The following IRAK3 variants were observed in gnomAD, a reference collection of about 807,000 sequenced individuals.
IRAK3 encodes interleukin-1 receptor-associated kinase 3.
In IRAK3, 57 loss-of-function variants were observed where a neutral mutation model predicts 56.6. The observed-to-expected ratio is 1.01, with a 90% CI of 0.81 to 1.26. The LOEUF (loss-of-function observed/expected upper bound fraction) is 1.26, where lower values mean the gene tolerates loss of function less well. Among genes scored for constraint, IRAK3 ranks in the 50% most tolerant of loss-of-function variants. The probability of loss-of-function intolerance (pLI) is 0.00; values close to 1 mark genes in which losing one functional copy is unlikely to be tolerated. For missense variants in IRAK3, 703 were observed against 719.0 expected (o/e 0.98, Z 0.25); for synonymous variants, 258 against 255.7 (o/e 1.01, Z -0.09).
At chr12:66,238,086 A>C (rs569403154) in intron 8 of IRAK3, among the ~76,000 whole-genome samples, 1 of 152,290 alleles carries the variant, frequency 6.6e-6, no homozygotes, top group South Asian at 2.1e-4. Flanking sequence ...TCAAGTGAAA[A>C]GTTTATGGAG....
Position 66,250,575 on chromosome 12 carries a change from G to C in IRAK3, c.*2404G>C, listed in dbSNP as rs2053088775. On this transcript the variant is annotated 3_prime_UTR_variant, in exon 12 of 12. Transcript: ENST00000261233. ...GGTATCTGGCTGCTCAGAGCTCTCT[G>C]ATTCACAAAAGAGATCATCAAGAAT... The C allele has an allele frequency of 6.6e-6, 1 of 152,232 alleles. No homozygotes were observed. The highest frequency in any genetic ancestry group is 2.1e-4 in the South Asian group (1 of 4,834). 9.4% of individuals were successfully genotyped at this position (152,232 alleles called of 1,614,324 possible).
intron 1 of IRAK3, 57 bp from the exon 2 acceptor site, chr12:66,203,654 A>G: frequency 6.9e-7 from 1 of 1,451,852 alleles, no homozygotes; most frequent in Non-Finnish European, 9.7e-7. Context: ...ACACAAAAAC[A>G]AGTATTTTGA....
intron 5 of IRAK3, among the ~76,000 whole-genome samples, chr12:66,214,408 G>A (rs1468320577): frequency 1.3e-5 from 2 of 152,038 alleles, no homozygotes; most frequent in South Asian, 4.2e-4. Flanking sequence ...GGGTGTGGTG[G>A]TGCCTGCCTG....
intron 6 of IRAK3, among the ~76,000 whole-genome samples, chr12:66,219,421 T>C (rs181173882): frequency 6.6e-6 from 1 of 152,362 alleles, no homozygotes; most frequent in East Asian, 1.9e-4. Context: ...TGTTCTTTTG[T>C]CTGCCGCCAT....
At chr12:66,197,337 C>T in intron 1 of IRAK3, 1 of 1,028,368 alleles carries the variant, frequency 9.7e-7, no homozygotes, top group Non-Finnish European at 1.2e-6. Context: ...TGAAAGGGGA[C>T]ACGTAAGGGA....
In IRAK3 at chr12:66,235,789, C is replaced by A. The variant is rs11176094; in HGVS notation, c.887+7419C>A. ...AAAAAATATTAAAAGTAAAATATACCGAAATATCAACAACGTTTTGTTTGG... is the reference window on the plus strand; with the variant it reads ...AAAAAATATTAAAAGTAAAATATACAGAAATATCAACAACGTTTTGTTTGG... On this transcript the variant is annotated intron_variant, in intron 8 of 11. Coordinates refer to ENST00000261233, the MANE Select transcript of IRAK3 (RefSeq NM_007199.3). Among the ~76,000 whole-genome samples the A allele has an allele frequency of 3.8e-3, 581 of 151,760 alleles. 1 individual carries two copies. Among genetic ancestry groups the A allele is most frequent in the Non-Finnish European group, 6.4e-3 (436 of 67,908 alleles).
intron 8 of IRAK3, among the ~76,000 whole-genome samples, chr12:66,237,012 C>T (rs1017963098): frequency 3.9e-5 from 6 of 152,182 alleles, no homozygotes; most frequent in Middle Eastern, 3.4e-3. Context: ...TCGTTGTTGT[C>T]CCTGTCTCTC....
In IRAK3 at chr12:66,253,469, G is replaced by A. The variant is rs543227387; in HGVS notation, c.*5298G>A. 4.6e-5 allele frequency: 7 copies of A among 152,204 alleles called. No homozygotes were observed. The South Asian group carries it at 1.2e-3, about 27-fold the overall frequency. The allele number at this position is 152,204 out of a possible 1,614,324, so 9.4% of individuals were successfully genotyped here. Reference sequence around the variant, plus strand: ...CATTTATATATACTTGATGGTCTGTGGGCTTGACTTGCAAGTATTTTCCTG... The same window carrying A: ...CATTTATATATACTTGATGGTCTGTAGGCTTGACTTGCAAGTATTTTCCTG... On this transcript the variant is annotated 3_prime_UTR_variant, in exon 12 of 12. Coordinates refer to ENST00000261233, the MANE Select transcript of IRAK3 (RefSeq NM_007199.3).
At position 66,196,906 on chromosome 12, in the gene IRAK3, GGAGT is replaced by G; in HGVS notation, c.134-6804_134-6801del. ...GTCTAAAAACAAGCTTTGTGAGAAT[GGAGT>G]CTTAATTTTGCAGGGGTTTTGGCAT... On this transcript the variant is annotated intron_variant, in intron 1 of 11. Coordinates refer to ENST00000261233, the MANE Select transcript of IRAK3 (RefSeq NM_007199.3). 4 of 1,526,816 alleles carry G rather than the reference GGAGT, an allele frequency of 2.6e-6. No individual in the cohort carries two copies. In the East Asian group the frequency reaches 9.9e-5, roughly 38 times the overall value. The allele number at this position is 1,526,816 out of a possible 1,614,324, so 94.6% of individuals were successfully genotyped here.
chr12:66,193,390 A>G (rs2052418317), intron 1 of IRAK3, among the ~76,000 whole-genome samples: 1 of 152,178 alleles, frequency 6.6e-6, no homozygotes, highest in Non-Finnish European at 1.5e-5. Context: ...CAGATACTCT[A>G]CATCCTTAGT....
At chr12:66,231,642 T>A (rs765322655) in intron 8 of IRAK3, among the ~76,000 whole-genome samples, 4 of 152,158 alleles carry the variant, frequency 2.6e-5, no homozygotes, top group Non-Finnish European at 5.9e-5. Flanking sequence ...TTGCAGTGGA[T>A]TGGTTGAAAG....
chr12:66,195,025 A>G (rs959152078), intron 1 of IRAK3, among the ~76,000 whole-genome samples: 2 of 152,100 alleles, frequency 1.3e-5, no homozygotes, highest in African/African-American at 2.4e-5. Context: ...ATCTTCATCC[A>G]TCTATTTGCC....
intron 8 of IRAK3, among the ~76,000 whole-genome samples, chr12:66,237,078 ACTC>A (rs1431908365): frequency 6.7e-6 from 1 of 149,596 alleles, no homozygotes; most frequent in Non-Finnish European, 1.5e-5. Flanking sequence ...ACAAATCCCT[ACTC>A]CTCTACTTTC....
chr12:66,225,257 T>C (rs2052773757), intron 6 of IRAK3, among the ~76,000 whole-genome samples: 1 of 152,116 alleles, frequency 6.6e-6, no homozygotes, highest in African/African-American at 2.4e-5. Context: ...TCAATTTCCT[T>C]TCAATCCACT....
intron 6 of IRAK3, 89 bp downstream of exon 6, chr12:66,217,324 G>T: frequency 1.0e-6 from 1 of 962,950 alleles, no homozygotes; most frequent in South Asian, 1.3e-5. Context: ...AGCTTGGCGT[G>T]ACATGTAATA....
At chr12:66,220,374 TTC>T (rs1204304975) in intron 6 of IRAK3, among the ~76,000 whole-genome samples, 1 of 151,840 alleles carries the variant, frequency 6.6e-6, no homozygotes, top group Non-Finnish European at 1.5e-5. Flanking sequence ...GTAGGTTTAT[TTC>T]TGTTATTTTT....
At chr12:66,192,502 G>A (rs1051391255) in intron 1 of IRAK3, among the ~76,000 whole-genome samples, 8 of 152,064 alleles carry the variant, frequency 5.3e-5, no homozygotes, top group African/African-American at 1.9e-4. Context: ...AAATTATTTG[G>A]AGCAGCTGAC....
At position 66,226,790 on chromosome 12, in the gene IRAK3, T is replaced by G; in HGVS notation, c.721T>G (p.Tyr241Asp). The G allele has an allele frequency of 6.2e-7, 1 of 1,609,958 alleles. No individual in the cohort carries two copies. The highest frequency in any genetic ancestry group is 8.5e-7 in the Non-Finnish European group (1 of 1,176,164). The change falls in exon 7 of 12, where the codon TAT (tyrosine) becomes GAT (aspartate). Residue 241 changes from tyrosine (Y) to aspartate (D), a missense_variant. Transcript: ENST00000261233. ...AGAGACTGAGAAGTTCTGTCTGATT[T>G]ATCCATACATGAGAAATGGAACACT... ...FTETEKFCLIYPYMRNGTLFD... is the reference protein window; with the variant it reads ...FTETEKFCLIDPYMRNGTLFD...
chr12:66,195,286 A>G (rs1442732044), intron 1 of IRAK3, among the ~76,000 whole-genome samples: 1 of 152,160 alleles, frequency 6.6e-6, no homozygotes, highest in Non-Finnish European at 1.5e-5. Flanking sequence ...TCTTGGCACC[A>G]ACCACCATCG....
Sources: gnomAD v4.1 joint callset for allele counts (sites outside exome capture counted in the v4.1 genomes callset) on GRCh38, gnomAD v4.1.1 for gene constraint, MANE v1.5 for transcripts, NCBI Gene and HGNC (gene_info 2026-07-23, HGNC 2026-07-21) for gene names.